Variants in USH2A observed in about 807,000 individuals in gnomAD.
USH2A encodes the protein Usher syndrome 2A (autosomal recessive, mild).
USH2A carries 443 observed loss-of-function variants against 538.9 expected under a neutral mutation model. The observed-to-expected ratio is 0.82, with a 90% CI of 0.76 to 0.89. The LOEUF is 0.89. Ranked by LOEUF, USH2A falls within the 40% of genes least tolerant of loss-of-function variation. USH2A has a pLI of 0.00. For synonymous variants in USH2A, 2,413 were observed against 2,273.5 expected (o/e 1.06, Z -1.75); for missense variants, 6,633 against 6,324.8 (o/e 1.05, Z -1.65).
intron 29 of USH2A, chr1:216,072,481 G>A (rs1325988206): frequency 2.5e-5 from 7 of 283,128 alleles, no homozygotes; most frequent in Non-Finnish European, 4.8e-5. Flanking sequence ...GGTTTCAAAT[G>A]TGCTTTCTGT....
At chr1:216,147,197 C>A (rs1359189901) in intron 21 of USH2A, among the ~76,000 whole-genome samples, 4 of 152,038 alleles carry the variant, frequency 2.6e-5, no homozygotes, top group Admixed American at 1.3e-4. Context: ...TTCTACAGAC[C>A]CATCTGACCT....
rs766740504 is a variant in USH2A, at chr1:216,365,050, G to T, written c.687C>A (p.Gly229=). The T allele has an allele frequency of 2.7e-5, 43 of 1,613,254 alleles. No individual in the cohort carries two copies. The highest frequency in any genetic ancestry group is 3.3e-4 in the Middle Eastern group (2 of 6,056). The change falls in exon 4 of 72, where the codon GGC becomes GGA. Residue 229 remains glycine, a synonymous_variant. Transcript: ENST00000307340. The part of the protein sequence containing the change: ...HQTKISFFIN[G]VEKDHTPFNA... ...TGAAAGGTGTATGATCCTTCTCCAC[G>T]CCATTGATAAAGAAGCTGATTTTTG... is the stretch of plus-strand genomic sequence containing the variant.
At chr1:216,148,475 G>A (rs1486554978) in intron 21 of USH2A, among the ~76,000 whole-genome samples, 14 of 151,764 alleles carry the variant, frequency 9.2e-5, no homozygotes, top group East Asian at 3.9e-4. Context: ...CTTGGTGACC[G>A]ATCATGCACC....
At chr1:216,127,157 T>C (rs939947203) in intron 21 of USH2A, among the ~76,000 whole-genome samples, 4 of 152,210 alleles carry the variant, frequency 2.6e-5, no homozygotes, top group African/African-American at 9.6e-5. Flanking sequence ...AGTCACAGCA[T>C]TGCACTAATA....
chr1:216,201,690 T>TG (rs1183681048), intron 16 of USH2A: 4 of 206,886 alleles, frequency 1.9e-5, no homozygotes, highest in African/African-American at 2.4e-5. Context: ...GCTGGTGTTG[T>TG]GGGGGGCACC....
intron 70 of USH2A, among the ~76,000 whole-genome samples, chr1:215,632,507 T>A (rs1448665393): frequency 6.6e-6 from 1 of 152,198 alleles, no homozygotes; most frequent in Non-Finnish European, 1.5e-5. Flanking sequence ...CAGAGGTGCC[T>A]GCCTATAGGG....
intron 61 of USH2A, among the ~76,000 whole-genome samples, chr1:215,698,250 C>T (rs1302982664): frequency 2.0e-5 from 3 of 152,012 alleles, no homozygotes; most frequent in African/African-American, 7.3e-5. Flanking sequence ...GGGTTGGTTC[C>T]AAGTCTTGGA....
chr1:216,100,848 C>T lies in USH2A; in HGVS notation c.4628-3635G>A, dbSNP rs180950468. On this transcript the variant is annotated intron_variant, in intron 21 of 71. Transcript: ENST00000307340. ...GCACTATTTAAGAAATATGCAAGTTCGTGTGTTTTTCTAAAATATATTATT... is the reference window on the plus strand; with the variant it reads ...GCACTATTTAAGAAATATGCAAGTTTGTGTGTTTTTCTAAAATATATTATT... 4.6e-5 allele frequency among the ~76,000 whole-genome samples: 7 copies of T among 152,162 alleles called. No homozygotes were observed. The East Asian group carries it at 5.8e-4, about 13-fold the overall frequency.
chr1:216,418,804 T>A (rs986398693), intron 2 of USH2A, 125 bp from the exon 3 acceptor site: 3 of 907,514 alleles, frequency 3.3e-6, no homozygotes, highest in Non-Finnish European at 5.3e-6. Context: ...GTACTATGAA[T>A]AAGTGCCTGA....
chr1:215,948,827 A>G (rs902200185), intron 37 of USH2A, among the ~76,000 whole-genome samples: 5 of 152,216 alleles, frequency 3.3e-5, no homozygotes, highest in Admixed American at 2.0e-4. Context: ...AGCTTATTTT[A>G]ATAATCTCAC....
rs1048113394 is a variant in USH2A at position 215,969,795 on chromosome 1, A to G, written c.6957+830T>C. ...AGCTGTCTTCCAAGGTAATATTTATATAATATACTCTTCAGTGAAGACAGC... is the reference window on the plus strand; with the variant it reads ...AGCTGTCTTCCAAGGTAATATTTATGTAATATACTCTTCAGTGAAGACAGC... On this transcript the variant is annotated intron_variant, in intron 36 of 71. Transcript: ENST00000307340. Among the ~76,000 whole-genome samples, 10 of 152,312 alleles carry G rather than the reference A, an allele frequency of 6.6e-5. No homozygotes were observed. In the Middle Eastern group the frequency reaches 0.01, roughly 155 times the overall value.
At chr1:216,003,631 G>A (rs1008090389) in intron 32 of USH2A, among the ~76,000 whole-genome samples, 8 of 152,044 alleles carry the variant, frequency 5.3e-5, no homozygotes, top group African/African-American at 1.9e-4. Context: ...CTAGCAGGGA[G>A]GCTGAGGTGG....
intron 21 of USH2A, among the ~76,000 whole-genome samples, chr1:216,161,507 T>C (rs1012821177): frequency 6.6e-6 from 1 of 152,086 alleles, no homozygotes; most frequent in Non-Finnish European, 1.5e-5. Context: ...AAATAATTGA[T>C]GTCATACATT....
intron 21 of USH2A, among the ~76,000 whole-genome samples, chr1:216,137,688 C>T (rs1037348486): frequency 1.5e-4 from 23 of 152,222 alleles, no homozygotes; most frequent in Middle Eastern, 6.8e-3. Flanking sequence ...TCTAGCCAAA[C>T]CGGCAGCTGA....
At chr1:216,158,464 G>A (rs960575615) in intron 21 of USH2A, among the ~76,000 whole-genome samples, 1 of 152,074 alleles carries the variant, frequency 6.6e-6, no homozygotes, top group African/African-American at 2.4e-5. Flanking sequence ...GAACTCCTGA[G>A]CACAAGCAAT....
intron 40 of USH2A, among the ~76,000 whole-genome samples, chr1:215,898,598 C>CT (rs1178887996): frequency 6.6e-6 from 1 of 151,976 alleles, no homozygotes; most frequent in Admixed American, 6.6e-5. Flanking sequence ...AAAAAAAATG[C>CT]TTTCTCCCTT....
chr1:216,369,128 T>TCTGAAATAGAAATTGCC (rs1377398934), intron 3 of USH2A, among the ~76,000 whole-genome samples: 1 of 152,188 alleles, frequency 6.6e-6, no homozygotes, highest in Admixed American at 6.5e-5. Context: ...TCTTGGACTT[T>TCTGAAATAGAAATTGCC]CTGAAATAGA....
chr1:215,693,092 A>ATATATATATGTG (rs371000210), intron 61 of USH2A, among the ~76,000 whole-genome samples: 21 of 131,678 alleles, frequency 1.6e-4, no homozygotes, highest in African/African-American at 4.0e-4. Context: ...ATATATATAT[A>ATATATATATGTG]TGTGTGTGTG....
intron 3 of USH2A, among the ~76,000 whole-genome samples, chr1:216,399,127 A>C (rs570945365): frequency 1.1e-4 from 17 of 152,192 alleles, no homozygotes; most frequent in Admixed American, 7.9e-4. Flanking sequence ...AGCACATTAC[A>C]TTCCCCCCGG....
Sources: allele counts gnomAD v4.1 joint callset (sites outside exome capture counted in the v4.1 genomes callset), GRCh38; gene constraint gnomAD v4.1.1; transcripts MANE v1.5; gene names NCBI Gene and HGNC (gene_info 2026-07-23, HGNC 2026-07-21).